The following AHR variants were observed in gnomAD, a reference collection of about 807,000 sequenced individuals.
AHR encodes the protein aryl hydrocarbon receptor, also known as AH-receptor.
A neutral mutation model predicts 86.8 loss-of-function variants in AHR; 40 were observed. The observed-to-expected ratio is 0.46, with a 90% CI of 0.36 to 0.60. The LOEUF (loss-of-function observed/expected upper bound fraction) is 0.60. AHR is among the 20% of genes least tolerant of loss of function. AHR has a pLI of 0.00. For missense variants in AHR, 1,001 were observed against 1,011.6 expected (o/e 0.99, Z 0.14); for synonymous variants, 398 against 354.9 (o/e 1.12, Z -1.37).
In AHR at chr7:17,343,225, A is replaced by T; in HGVS notation, c.*161A>T. The T allele has an allele frequency of 5.8e-6, 5 of 859,306 alleles. No individual in the cohort carries two copies. Among genetic ancestry groups the T allele is most frequent in the Non-Finnish European group, 9.2e-6 (5 of 541,014 alleles). The allele number at this position is 859,306 out of a possible 1,614,324, so 53.2% of individuals were successfully genotyped here. On this transcript the variant is annotated 3_prime_UTR_variant, in exon 11 of 11. Transcript: ENST00000242057. The stretch of plus-strand genomic sequence containing the variant: ...ACCAAATTTTAATTTTTGCTTTTAG[A>T]AAAGGGAGTTTAAAAATGGTATCAA...
At chr7:17,340,890 C>G (rs1360280626) in intron 10 of AHR, among the ~76,000 whole-genome samples, 1 of 151,940 alleles carries the variant, frequency 6.6e-6, no homozygotes, top group African/African-American at 2.4e-5. Context: ...TCATGGAAAT[C>G]AAGCTTGATA....
chr7:17,318,004 T>C (rs561785743), intron 2 of AHR, among the ~76,000 whole-genome samples: 1 of 151,950 alleles, frequency 6.6e-6, no homozygotes, highest in South Asian at 2.1e-4. Flanking sequence ...AAGTCAGTTT[T>C]TATGTAAGAG....
chr7:17,338,292 G>A (rs1277254855), intron 9 of AHR, among the ~76,000 whole-genome samples: 1 of 150,234 alleles, frequency 6.7e-6, no homozygotes, highest in East Asian at 1.9e-4. Context: ...ATAGCTGCTG[G>A]GTTTTATTAT....
In AHR at chr7:17,343,101, A is replaced by G. The variant is rs1437431585; in HGVS notation, c.*37A>G. 6.2e-7 allele frequency: 1 copy of G among 1,608,264 alleles called. No homozygotes were observed. Among genetic ancestry groups the G allele is most frequent in the Admixed American group, 1.7e-5 (1 of 59,812 alleles). ...ATTTTGACCCTGGTTTTTGGATTAA[A>G]TTAGTTTGTGAAGGATTATGGAAAA... is the stretch of plus-strand genomic sequence containing the variant. On this transcript the variant is annotated 3_prime_UTR_variant, in exon 11 of 11. Transcript: ENST00000242057.
At chr7:17,341,341 G>A (rs929841869) in intron 10 of AHR, among the ~76,000 whole-genome samples, 15 of 151,940 alleles carry the variant, frequency 9.9e-5, no homozygotes, top group Admixed American at 2.6e-4. Context: ...GTTATAGTCC[G>A]TCTCACAAAA....
intron 2 of AHR, among the ~76,000 whole-genome samples, chr7:17,321,268 C>G (rs1222991919): frequency 6.6e-6 from 1 of 152,038 alleles, no homozygotes; most frequent in South Asian, 2.1e-4. Context: ...ATTACAGCTA[C>G]TGTTTGTTGA....
chr7:17,299,213 G>C lies in AHR; in HGVS notation c.-52G>C. The C allele has an allele frequency of 6.3e-7, 1 of 1,591,834 alleles. No individual in the cohort carries two copies. Among genetic ancestry groups the C allele is most frequent in the Non-Finnish European group, 8.5e-7 (1 of 1,171,862 alleles). Reference sequence around the variant, plus strand: ...TGGTCCCAGCCTACACCGGGTTCCGGGGACCCGGCCGCCAGTGCCCGGGGA... The same window carrying C: ...TGGTCCCAGCCTACACCGGGTTCCGCGGACCCGGCCGCCAGTGCCCGGGGA... On this transcript the variant is annotated 5_prime_UTR_variant, in exon 1 of 11. Transcript: ENST00000242057.
Position 17,344,310 on chromosome 7 carries a change from G to A in AHR, c.*1246G>A, listed in dbSNP as rs553570759. 4 of 152,838 alleles carry A rather than the reference G, an allele frequency of 2.6e-5. No homozygotes were observed. The highest frequency in any genetic ancestry group is 2.0e-4 in the Admixed American group (3 of 15,290). 9.5% of individuals were successfully genotyped at this position (152,838 alleles called of 1,614,324 possible). On this transcript the variant is annotated 3_prime_UTR_variant, in exon 11 of 11. Coordinates refer to ENST00000242057, the MANE Select transcript of AHR (RefSeq NM_001621.5). Reference sequence around the variant, plus strand: ...TATTGTAATGAGTGAATTGAATGGTGCATTGTATAGATATAATGAACAAAA... The same window carrying A: ...TATTGTAATGAGTGAATTGAATGGTACATTGTATAGATATAATGAACAAAA...
At position 17,344,219 on chromosome 7, in the gene AHR, G is replaced by T. The variant is rs1310260194; in HGVS notation, c.*1155G>T. The T allele has an allele frequency of 6.5e-6, 1 of 152,726 alleles. No individual in the cohort carries two copies. Among genetic ancestry groups the T allele is most frequent in the Non-Finnish European group, 1.5e-5 (1 of 68,018 alleles). 9.5% of individuals were successfully genotyped at this position (152,726 alleles called of 1,614,324 possible). On this transcript the variant is annotated 3_prime_UTR_variant, in exon 11 of 11. Transcript: ENST00000242057. ...ATAAATTTCGCTTCTTAGAACAGTGGAAACTATGTGTTTTTCTCATATTTG... is the reference window on the plus strand; with the variant it reads ...ATAAATTTCGCTTCTTAGAACAGTGTAAACTATGTGTTTTTCTCATATTTG...
rs1429756470 is a variant in AHR at position 17,344,385 on chromosome 7, T to C, written c.*1321T>C. The C allele has an allele frequency of 1.2e-4, 18 of 152,762 alleles. No homozygotes were observed. The highest frequency in any genetic ancestry group is 9.8e-4 in the Admixed American group (15 of 15,268). The allele number at this position is 152,762 out of a possible 1,614,324, so 9.5% of individuals were successfully genotyped here. ...TTCATTTTAAAAAGTCCATACCTTA[T>C]ATATGCACTTAATTTGTTGGGGCTT... On this transcript the variant is annotated 3_prime_UTR_variant, in exon 11 of 11. Coordinates refer to ENST00000242057, the MANE Select transcript of AHR (RefSeq NM_001621.5).
intron 9 of AHR, among the ~76,000 whole-genome samples, chr7:17,337,122 C>T (rs1454576350): frequency 6.6e-6 from 1 of 151,886 alleles, no homozygotes; most frequent in African/African-American, 2.4e-5. Context: ...TACAGTGTTA[C>T]TGTACTTTTT....
In AHR at chr7:17,336,871, T is replaced by C. The variant is rs552545304; in HGVS notation, c.1160+1085T>C. Among the ~76,000 whole-genome samples the C allele has an allele frequency of 3.9e-4, 59 of 152,258 alleles. 1 individual carries two copies. Among genetic ancestry groups the C allele is most frequent in the African/African-American group, 1.2e-3 (51 of 41,572 alleles). ...AACTTTTGGTTTATTGATTTTTTTC[T>C]ATTTTATACATTTGTTTTCAATTTT... On this transcript the variant is annotated intron_variant, in intron 9 of 10. Coordinates refer to ENST00000242057, the MANE Select transcript of AHR (RefSeq NM_001621.5).
chr7:17,310,187 T>C, intron 2 of AHR, 64 bp downstream of exon 2: 4 of 1,409,708 alleles, frequency 2.8e-6, no homozygotes, highest in Non-Finnish European at 3.9e-6. Flanking sequence ...TAGATATAGC[T>C]GTTTCTGTGT....
rs1270396572 is a variant in AHR, at chr7:17,339,490, C to G, written c.1665C>G (p.His555Gln). 2 of 1,614,038 alleles carry G rather than the reference C, an allele frequency of 1.2e-6. No homozygotes were observed. Among genetic ancestry groups the G allele is most frequent in the South Asian group, 2.2e-5 (2 of 91,082 alleles). Residue 555 changes from histidine (H) to glutamine (Q), a missense_variant, in exon 10 of 11, where the codon CAC (histidine) becomes CAG (glutamine). Around this residue, in one of 2 missense-constraint regions of AHR, gnomAD observed 607 missense variants for 543.1 expected, o/e 1.12. Coordinates refer to ENST00000242057, the MANE Select transcript of AHR (RefSeq NM_001621.5). ...NLGIDFEDIR[H>Q]MQNEKFFRND... ...GCATTGATTTTGAAGACATCAGACA[C>G]ATGCAGAATGAAAAATTTTTCAGAA...
Position 17,299,176 on chromosome 7 carries a change from CGG to C in AHR, c.-88_-87del. On this transcript the variant is annotated 5_prime_UTR_variant, in exon 1 of 11. Transcript: ENST00000242057. ...GGCGCGGCTTCGCGGAACCCGGCGC[CGG>C]CCGCCGCAGTGGTCCCAGCCTACAC... is the stretch of plus-strand genomic sequence containing the variant. The C allele has an allele frequency of 7.1e-7, 1 of 1,414,708 alleles. No individual in the cohort carries two copies. The highest frequency in any genetic ancestry group is 1.5e-5 in the African/African-American group (1 of 66,040). 87.6% of individuals were successfully genotyped at this position (1,414,708 alleles called of 1,614,324 possible).
At chr7:17,302,774 A>G (rs1158983556) in intron 1 of AHR, among the ~76,000 whole-genome samples, 7 of 151,636 alleles carry the variant, frequency 4.6e-5, no homozygotes, top group African/African-American at 1.7e-4. Context: ...CAGCACCTGT[A>G]CTGCTACTCT....
intron 6 of AHR, among the ~76,000 whole-genome samples, chr7:17,332,900 G>A (rs544518603): frequency 6.6e-6 from 1 of 152,016 alleles, no homozygotes; most frequent in South Asian, 2.1e-4. Flanking sequence ...GCAACTTTCA[G>A]TCCTGCCTAC....
At chr7:17,336,789 C>T (rs1047914549) in intron 9 of AHR, among the ~76,000 whole-genome samples, 1 of 152,128 alleles carries the variant, frequency 6.6e-6, no homozygotes, top group African/African-American at 2.4e-5. Flanking sequence ...CTCCCTTGAT[C>T]AATGTTTCTA....
chr7:17,311,265 A>T (rs1782061725), intron 2 of AHR, among the ~76,000 whole-genome samples: 1 of 152,206 alleles, frequency 6.6e-6, no homozygotes, highest in South Asian at 2.1e-4. Flanking sequence ...TATGTCAGTC[A>T]ATGCTTCTCA....
Sources: allele counts gnomAD v4.1 joint callset (sites outside exome capture counted in the v4.1 genomes callset), GRCh38; gene constraint gnomAD v4.1.1; regional missense constraint gnomAD v4.1.1; transcripts MANE v1.5; gene names NCBI Gene and HGNC (gene_info 2026-07-23, HGNC 2026-07-21).